Variants in GRM1 observed in about 807,000 individuals in gnomAD.
GRM1 encodes the protein metabotropic glutamate receptor 1.
GRM1 carries 33 observed loss-of-function variants against 90.9 expected under a neutral mutation model. The ratio of observed to expected loss-of-function variants is 0.36; its 90% CI spans 0.28 to 0.49. The LOEUF (loss-of-function observed/expected upper bound fraction) is 0.49, where lower values mean the gene tolerates loss of function less well. Among genes scored for constraint, GRM1 ranks in the 20% least tolerant of loss-of-function variants. The pLI, the probability that GRM1 is intolerant of heterozygous loss-of-function variation, is 0.99. For synonymous variants in GRM1, 700 were observed against 613.2 expected, an observed-to-expected ratio of 1.14 and a Z score of -2.09; for missense variants, 1,190 against 1,534.3, an observed-to-expected ratio of 0.78 and a Z score of 3.75.
intron 1 of GRM1, among the ~76,000 whole-genome samples, chr6:146,031,170 G>T (rs1260049930): frequency 6.6e-6 from 1 of 151,988 alleles, no homozygotes; most frequent in Non-Finnish European, 1.5e-5. Flanking sequence ...TTCACCTTAG[G>T]TTATATACAT....
chr6:146,399,148 C>T lies in GRM1; in HGVS notation c.2109C>T (p.Ala703=), dbSNP rs201596054. The T allele has an allele frequency of 6.2e-7, 1 of 1,614,130 alleles. No homozygotes were observed. Among genetic ancestry groups the T allele is most frequent in the African/African-American group, 1.3e-5 (1 of 75,030 alleles). ...CCCGGAAGCCCAGGTTCATGAGTGC[C>T]TGGGCTCAGGTGATCATTGCCTCAA... ...ICTRKPRFMS[A]WAQVIIASIL... Residue 703 remains alanine, a synonymous_variant, in exon 7 of 8, where the codon GCC becomes GCT. Transcript: ENST00000282753. The surrounding 1 kb of genome is among the most constrained non-coding windows in gnomAD (Gnocchi z 5.4).
chr6:146,188,659 C>A (rs1347109114), intron 2 of GRM1, among the ~76,000 whole-genome samples: 2 of 152,142 alleles, frequency 1.3e-5, no homozygotes, highest in Non-Finnish European at 2.9e-5. Flanking sequence ...TTTTAAATTT[C>A]TTCACAGGAC....
intron 5 of GRM1, among the ~76,000 whole-genome samples, chr6:146,384,911 T>G (rs902847225): frequency 4.6e-5 from 7 of 151,940 alleles, no homozygotes; most frequent in African/African-American, 1.4e-4. Context: ...TAAAGGTCAG[T>G]GAACTGAAAA....
intron 1 of GRM1, among the ~76,000 whole-genome samples, chr6:146,103,072 G>A (rs984440614): frequency 1.2e-4 from 18 of 152,144 alleles, no homozygotes; most frequent in African/African-American, 4.3e-4. Flanking sequence ...CTTGGATGGC[G>A]TGGCTGTCCT....
chr6:146,162,383 C>T (rs186422866), intron 2 of GRM1, among the ~76,000 whole-genome samples: 2 of 152,322 alleles, frequency 1.3e-5, no homozygotes, highest in Non-Finnish European at 2.9e-5. Flanking sequence ...TTCTCTCACA[C>T]TTCACATGCA....
intron 2 of GRM1, among the ~76,000 whole-genome samples, chr6:146,240,520 C>T (rs576935398): frequency 1.3e-5 from 2 of 152,190 alleles, no homozygotes; most frequent in South Asian, 4.1e-4. Flanking sequence ...AGACTGCAGC[C>T]TGGCAGGAAG....
chr6:146,408,356 A>T (rs558111272), intron 7 of GRM1, among the ~76,000 whole-genome samples: 2 of 152,134 alleles, frequency 1.3e-5, no homozygotes, highest in Non-Finnish European at 2.9e-5. Context: ...TTTCTTTCAA[A>T]TTACTAGTCC....
intron 2 of GRM1, among the ~76,000 whole-genome samples, chr6:146,293,756 A>G (rs1400196182): frequency 6.6e-6 from 1 of 151,688 alleles, no homozygotes; most frequent in Non-Finnish European, 1.5e-5. Flanking sequence ...TACATTTTAA[A>G]CTACTGATTT....
At chr6:146,138,471 G>A (rs1271171298) in intron 1 of GRM1, among the ~76,000 whole-genome samples, 3 of 152,086 alleles carry the variant, frequency 2.0e-5, no homozygotes, top group Admixed American at 6.5e-5. Flanking sequence ...TTATTTAAAT[G>A]TTTGGTAAAA....
intron 2 of GRM1, among the ~76,000 whole-genome samples, chr6:146,188,887 T>G (rs1298636551): frequency 6.6e-6 from 1 of 152,222 alleles, no homozygotes; most frequent in Non-Finnish European, 1.5e-5. Context: ...TTCCCTGGCT[T>G]TCTGCCCTCA....
chr6:146,027,818 A>G (rs1307067373), upstream of GRM1: 1 of 152,138 alleles, frequency 6.6e-6, no homozygotes, highest in African/African-American at 2.4e-5. Context: ...ATGTCCTCCA[A>G]ACAGACTCAG....
chr6:146,279,256 A>G (rs1285603014), intron 2 of GRM1, among the ~76,000 whole-genome samples: 1 of 152,044 alleles, frequency 6.6e-6, no homozygotes, highest in Admixed American at 6.5e-5. Context: ...CTCTTTCAGT[A>G]TATCTAGAGG....
chr6:146,175,255 T>A (rs1217006942), intron 2 of GRM1, among the ~76,000 whole-genome samples: 2 of 152,182 alleles, frequency 1.3e-5, no homozygotes, highest in Non-Finnish European at 2.9e-5. Context: ...TGGCTGTTAG[T>A]CATTTTATAG....
At chr6:146,282,068 T>C (rs1423546509) in intron 2 of GRM1, among the ~76,000 whole-genome samples, 3 of 152,164 alleles carry the variant, frequency 2.0e-5, no homozygotes, top group African/African-American at 7.2e-5. Context: ...TTAGGAAATT[T>C]GAATGGGTCT....
chr6:146,229,904 G>T (rs974814490), intron 2 of GRM1, among the ~76,000 whole-genome samples: 1 of 152,122 alleles, frequency 6.6e-6, no homozygotes, highest in African/African-American at 2.4e-5. Flanking sequence ...AAATATAGAA[G>T]GTAGGATTTG....
chr6:146,396,231 A>T (rs1322946462), intron 6 of GRM1, among the ~76,000 whole-genome samples: 1 of 152,146 alleles, frequency 6.6e-6, no homozygotes, highest in Non-Finnish European at 1.5e-5. Flanking sequence ...AAAGGTTTGT[A>T]TTTAGACAGA....
intron 1 of GRM1, among the ~76,000 whole-genome samples, chr6:146,108,549 C>A (rs908442256): frequency 6.6e-6 from 1 of 152,200 alleles, no homozygotes. Flanking sequence ...AAACCTCTTT[C>A]TTTCATAAAT....
At chr6:146,347,514 T>C (rs1785226667) in intron 3 of GRM1, among the ~76,000 whole-genome samples, 1 of 152,180 alleles carries the variant, frequency 6.6e-6, no homozygotes, top group African/African-American at 2.4e-5. Flanking sequence ...GATACAAAGT[T>C]AGTATGCAAA....
intron 1 of GRM1, among the ~76,000 whole-genome samples, chr6:146,123,249 A>T (rs928052841): frequency 6.6e-6 from 1 of 152,178 alleles, no homozygotes; most frequent in African/African-American, 2.4e-5. Context: ...TTGTATTTCT[A>T]ATTGAAGGCT....
Sources: gnomAD v4.1 joint callset for allele counts (sites outside exome capture counted in the v4.1 genomes callset) on GRCh38, gnomAD v4.1.1 for gene constraint, Gnocchi (gnomAD v3.1) non-coding constraint, MANE v1.5 for transcripts, NCBI Gene and HGNC (gene_info 2026-07-23, HGNC 2026-07-21) for gene names.